ADAMTS2: variants seen among roughly 807,000 people sequenced by gnomAD.
The protein encoded by ADAMTS2 is ADAM metallopeptidase with thrombospondin type 1 motif 2.
In ADAMTS2, 50 loss-of-function variants were observed where a neutral mutation model predicts 123.0. The ratio of observed to expected loss-of-function variants is 0.41; its 90% CI spans 0.32 to 0.51. ADAMTS2 has a LOEUF of 0.51. Among genes scored for constraint, ADAMTS2 ranks in the 20% least tolerant of loss-of-function variants. The pLI, the probability that ADAMTS2 is intolerant of heterozygous loss-of-function variation, is 0.35. For synonymous variants in ADAMTS2, 678 were observed against 695.4 expected (o/e 0.98, Z 0.39); for missense variants, 1,494 against 1,705.2 (o/e 0.88, Z 2.18).
In ADAMTS2 at chr5:179,201,480, C is replaced by T. The variant is rs139212304; in HGVS notation, c.891+6033G>A. ...ATTCACATACCTACAGGAATTTATG[C>T]TAATTTTACATAGCAAAAAAAATGT... On this transcript the variant is annotated intron_variant, in intron 4 of 21. Coordinates refer to ENST00000251582, the MANE Select transcript of ADAMTS2 (RefSeq NM_014244.5). Among the ~76,000 whole-genome samples, 512 of 152,066 alleles carry T rather than the reference C, an allele frequency of 3.4e-3. 3 individuals carry two copies. Among genetic ancestry groups the T allele is most frequent in the African/African-American group, 0.012 (497 of 41,468 alleles).
chr5:179,244,631 T>C (rs1208706334), intron 3 of ADAMTS2, among the ~76,000 whole-genome samples: 2 of 152,246 alleles, frequency 1.3e-5, no homozygotes, highest in African/African-American at 4.8e-5. Flanking sequence ...TTCTTCTCTT[T>C]TCTTCCCTTA....
intron 3 of ADAMTS2, among the ~76,000 whole-genome samples, chr5:179,267,107 G>A (rs1241217574): frequency 6.6e-6 from 1 of 152,130 alleles, no homozygotes; most frequent in African/African-American, 2.4e-5. Context: ...TGTCATGCCT[G>A]AGGTCCGCCC....
At position 179,181,552 on chromosome 5, in the gene ADAMTS2, C is replaced by T. The variant is rs1333521718; in HGVS notation, c.892-397G>A. 6.6e-6 allele frequency among the ~76,000 whole-genome samples: 1 copy of T among 152,158 alleles called. No homozygotes were observed. Among genetic ancestry groups the T allele is most frequent in the Non-Finnish European group, 1.5e-5 (1 of 68,030 alleles). On this transcript the variant is annotated intron_variant, in intron 4 of 21. Transcript: ENST00000251582. This position sits in a 1 kb window ranked among gnomAD's most constrained non-coding sequence, Gnocchi z 4.1. The stretch of plus-strand genomic sequence containing the variant: ...CAGGCAGGGCTGGGACCGGCCCTGG[C>T]AGAAGTCACTCCAAGCTATAGCTGG...
At position 179,130,124 on chromosome 5, in the gene ADAMTS2, C is replaced by G; in HGVS notation, c.2291-26G>C. 6.2e-7 allele frequency: 1 copy of G among 1,613,620 alleles called. No homozygotes were observed. On this transcript the variant is annotated intron_variant, in intron 15 of 21. Transcript: ENST00000251582. The surrounding 1 kb of genome is among the most constrained non-coding windows in gnomAD (Gnocchi z 4.3). ...CTGAGAATGGCAAGACCAAGTCCCC[C>G]GTTGTGGTCACCCAAGAGCAGGACC...
In ADAMTS2 at chr5:179,260,523, G is replaced by A. The variant is rs769463722; in HGVS notation, c.688+12388C>T. ...TGTCCAACAAACAGATGGGGTCACA[G>A]GCTACCGGGTTTTGCCAGCCCAGGC... On this transcript the variant is annotated intron_variant, in intron 3 of 21. Coordinates refer to ENST00000251582, the MANE Select transcript of ADAMTS2 (RefSeq NM_014244.5). This position sits in a 1 kb window ranked among gnomAD's most constrained non-coding sequence, Gnocchi z 4.2. Among the ~76,000 whole-genome samples the A allele has an allele frequency of 2.0e-4, 31 of 152,252 alleles. No individual in the cohort carries two copies. The highest frequency in any genetic ancestry group is 8.8e-5 in the Non-Finnish European group (6 of 68,012).
intron 3 of ADAMTS2, among the ~76,000 whole-genome samples, chr5:179,227,490 C>G (rs1230664789): frequency 6.6e-6 from 1 of 152,186 alleles, no homozygotes; most frequent in Non-Finnish European, 1.5e-5. Context: ...TGGCCTGGCT[C>G]TGGGTGCTGG....
At chr5:179,163,066 GAGGCTAGTGTGT>G (rs1473947703) in intron 5 of ADAMTS2, among the ~76,000 whole-genome samples, 4 of 152,198 alleles carry the variant, frequency 2.6e-5, no homozygotes, top group African/African-American at 9.6e-5. Context: ...AGGCAGGAAT[GAGGCTAGTGTGT>G]AGGACAGAGC....
intron 2 of ADAMTS2, among the ~76,000 whole-genome samples, chr5:179,321,577 TG>T (rs555589254): frequency 1.4e-4 from 21 of 152,288 alleles, no homozygotes; most frequent in East Asian, 1.4e-3. Context: ...CTGCACATGG[TG>T]GGGGGCCAAG....
intron 4 of ADAMTS2, among the ~76,000 whole-genome samples, chr5:179,204,792 C>T (rs574391990): frequency 5.1e-4 from 78 of 152,334 alleles, no homozygotes; most frequent in Admixed American, 9.1e-4. Context: ...AGAGACCCCC[C>T]GCTGACCCTC....
At chr5:179,290,911 T>C (rs1756166765) in intron 2 of ADAMTS2, among the ~76,000 whole-genome samples, 1 of 152,200 alleles carries the variant, frequency 6.6e-6, no homozygotes. Flanking sequence ...GCAATGCTCT[T>C]GTGCAGAGGG....
At position 179,197,021 on chromosome 5, in the gene ADAMTS2, C is replaced by T. The variant is rs115787327; in HGVS notation, c.891+10492G>A. On this transcript the variant is annotated intron_variant, in intron 4 of 21. Coordinates refer to ENST00000251582, the MANE Select transcript of ADAMTS2 (RefSeq NM_014244.5). The surrounding 1 kb of genome is among the most constrained non-coding windows in gnomAD (Gnocchi z 4.2). Reference sequence around the variant, plus strand: ...GAATTTTGCTTTCATGCAAGTAATACGTCCAAATTTACTTTAATGTAAAAC... The same window carrying T: ...GAATTTTGCTTTCATGCAAGTAATATGTCCAAATTTACTTTAATGTAAAAC... Among the ~76,000 whole-genome samples the T allele has an allele frequency of 0.013, 1,914 of 152,334 alleles. 38 individuals are homozygous for T. Among genetic ancestry groups the T allele is most frequent in the African/African-American group, 0.043 (1,787 of 41,568 alleles).
intron 10 of ADAMTS2, among the ~76,000 whole-genome samples, chr5:179,140,847 GTT>G (rs1288425257): frequency 8.3e-6 from 1 of 120,788 alleles, no homozygotes; most frequent in African/African-American, 3.1e-5. Context: ...GTCCCCCCAG[GTT>G]GGAGTGCAGT....
chr5:179,289,772 C>T (rs983268495), intron 2 of ADAMTS2, among the ~76,000 whole-genome samples: 4 of 152,212 alleles, frequency 2.6e-5, no homozygotes, highest in African/African-American at 9.6e-5. Context: ...ATGTGACAGT[C>T]CCAGCGTGGT....
intron 3 of ADAMTS2, among the ~76,000 whole-genome samples, chr5:179,265,133 T>G (rs2113497264): frequency 6.6e-6 from 1 of 152,304 alleles, no homozygotes; most frequent in South Asian, 2.1e-4. Context: ...ATGCAGCTCC[T>G]CAGAACCACT....
chr5:179,315,224 CAAGA>C (rs1756955424), intron 2 of ADAMTS2, among the ~76,000 whole-genome samples: 1 of 152,242 alleles, frequency 6.6e-6, no homozygotes, highest in Non-Finnish European at 1.5e-5. Flanking sequence ...TCGCCATGGA[CAAGA>C]TTAAATACCC....
Position 179,117,995 on chromosome 5 carries a change from T to C in ADAMTS2, c.3178+3666A>G, listed in dbSNP as rs1406764925. On this transcript the variant is annotated intron_variant, in intron 21 of 21. Coordinates refer to ENST00000251582, the MANE Select transcript of ADAMTS2 (RefSeq NM_014244.5). The surrounding 1 kb of genome is among the most constrained non-coding windows in gnomAD (Gnocchi z 4.2). ...CAAGTGCACGCCTAGGTCAGAGCCA[T>C]GCACGAGAAAGTGCTCCATAAATGC... Among the ~76,000 whole-genome samples the C allele has an allele frequency of 3.9e-5, 6 of 152,286 alleles. No individual in the cohort carries two copies. The highest frequency in any genetic ancestry group is 7.2e-5 in the African/African-American group (3 of 41,570).
intron 21 of ADAMTS2, among the ~76,000 whole-genome samples, chr5:179,119,908 C>T (rs1307336325): frequency 6.6e-6 from 1 of 152,124 alleles, no homozygotes; most frequent in Non-Finnish European, 1.5e-5. Context: ...TTGCGAGGTG[C>T]TCATATGACA....
chr5:179,209,838 A>G (rs1434793702), intron 3 of ADAMTS2, among the ~76,000 whole-genome samples: 1 of 152,192 alleles, frequency 6.6e-6, no homozygotes. Context: ...GAACAGAGAC[A>G]GCTCACCTTC....
rs1178416113 is a variant in ADAMTS2 at position 179,308,556 on chromosome 5, T to A, written c.534+35211A>T. On this transcript the variant is annotated intron_variant, in intron 2 of 21. Transcript: ENST00000251582. The surrounding 1 kb of genome is among the most constrained non-coding windows in gnomAD (Gnocchi z 6.6). ...CAGGCCCCCATAATAGACAGCCTCA[T>A]TTTTTTTTTCTAGGCAAAACTTTGG... Among the ~76,000 whole-genome samples the A allele has an allele frequency of 2.0e-5, 3 of 150,484 alleles. No individual in the cohort carries two copies. Among genetic ancestry groups the A allele is most frequent in the African/African-American group, 7.3e-5 (3 of 40,984 alleles).
Sources: gnomAD v4.1 joint callset for allele counts (sites outside exome capture counted in the v4.1 genomes callset) on GRCh38, gnomAD v4.1.1 for gene constraint, Gnocchi (gnomAD v3.1) non-coding constraint, MANE v1.5 for transcripts, NCBI Gene and HGNC (gene_info 2026-07-23, HGNC 2026-07-21) for gene names.